The following KIR2DL1 variants were observed in gnomAD, a reference collection of about 807,000 sequenced individuals.
The protein encoded by KIR2DL1 is killer cell immunoglobulin-like receptor 2DL1.
In KIR2DL1, 38 loss-of-function variants were observed where a neutral mutation model predicts 33.9. The ratio of observed to expected loss-of-function variants is 1.12; its 90% CI spans 0.86 to 1.47. KIR2DL1 has a LOEUF of 1.47. Ranked by LOEUF, KIR2DL1 falls within the 40% of genes most tolerant of loss-of-function variation. The pLI is 0.00. For missense variants in KIR2DL1, 531 were observed against 433.9 expected (o/e 1.22, Z -1.99); for synonymous variants, 179 against 165.9 (o/e 1.08, Z -0.61).
At chr19:54,780,024 G>C (rs796648226) in intron 5 of KIR2DL1, 1 of 400,492 alleles carries the variant, frequency 2.5e-6, no homozygotes, top group Non-Finnish European at 4.5e-6. Context: ...TCCGCCTCTC[G>C]AGTAGCTGGG....
At chr19:54,772,460 C>G (rs940659694) in intron 2 of KIR2DL1, among the ~76,000 whole-genome samples, 1 of 145,542 alleles carries the variant, frequency 6.9e-6, no homozygotes, top group Non-Finnish European at 1.5e-5. Flanking sequence ...TTAGTGTGCT[C>G]TCTCCTGGTG....
rs770894960 is a variant in KIR2DL1 at position 54,783,513 on chromosome 19, C to A, written c.845C>A (p.Ala282Glu). The change falls in exon 7 of 8, where the codon GCA becomes GAA. Residue 282 changes from alanine (A) to glutamate (E), a missense_variant. Ala to Glu is a moderately radical substitution (Grantham distance 107). Coordinates refer to ENST00000336077, the MANE Select transcript of KIR2DL1 (RefSeq NM_014218.3). ...GCTGCGGTAATGGACCAAGAGTCTGCAGGAAACAGAACAGCGAATAGCGAG... is the reference window on the plus strand; with the variant it reads ...GCTGCGGTAATGGACCAAGAGTCTGAAGGAAACAGAACAGCGAATAGCGAG... ...KNAAVMDQESAGNRTANSEDS... is the reference protein window; with the variant it reads ...KNAAVMDQESEGNRTANSEDS... 6.2e-7 allele frequency: 1 copy of A among 1,613,658 alleles called. No individual in the cohort carries two copies. Among genetic ancestry groups the A allele is most frequent in the Non-Finnish European group, 8.5e-7 (1 of 1,179,804 alleles).
rs2304224 is a variant in KIR2DL1, at chr19:54,769,863, G to T, written c.13G>T (p.Val5Phe). MSLL[V>F]VSMACVGFFL... ...CTCCGGCAGCACCATGTCGCTCTTGGTCGTCAGCATGGCGTGTGTTGGTGA... is the reference window on the plus strand; with the variant it reads ...CTCCGGCAGCACCATGTCGCTCTTGTTCGTCAGCATGGCGTGTGTTGGTGA... The change falls in exon 1 of 8, where the codon GTC becomes TTC. Residue 5 changes from valine to phenylalanine, a missense_variant. By Grantham distance (50) the Val-to-Phe change is conservative. Coordinates refer to ENST00000336077, the MANE Select transcript of KIR2DL1 (RefSeq NM_014218.3). The T allele has an allele frequency of 0.27, 418,669 of 1,558,442 alleles. 90,203 individuals carry two copies. The highest frequency in any genetic ancestry group is 0.31 in the Non-Finnish European group (347,079 of 1,137,860).
rs568533445 is a variant in KIR2DL1 at position 54,781,558 on chromosome 19, G to A, written c.716-1364G>A. 4.6e-3 allele frequency among the ~76,000 whole-genome samples: 701 copies of A among 150,904 alleles called. 2 individuals carry two copies. The highest frequency in any genetic ancestry group is 0.016 in the African/African-American group (665 of 41,294). ...AGTGAGTCCAGATCTTGGAATCAGA[G>A]ATCAGCGACAGCACTAGCTCCTGCT... On this transcript the variant is annotated intron_variant, in intron 5 of 7. Transcript: ENST00000336077.
At chr19:54,776,634 C>CTTTTTTTTTTTTTTTTTTTT (rs113294942) in intron 4 of KIR2DL1, among the ~76,000 whole-genome samples, 1 of 128,314 alleles carries the variant, frequency 7.8e-6, no homozygotes. Context: ...TGAAAGTTCT[C>CTTTTTTTTTTTTTTTTTTTT]TTTTTTTTTT....
In KIR2DL1 at chr19:54,776,103, G is replaced by C. The variant is rs1364217647; in HGVS notation, c.664+645G>C. Among the ~76,000 whole-genome samples, 5 of 145,028 alleles carry C rather than the reference G, an allele frequency of 3.4e-5. 2 individuals carry two copies. The highest frequency in any genetic ancestry group is 6.2e-5 in the Non-Finnish European group (4 of 64,902). Reference sequence around the variant, plus strand: ...GAGGTGGTTTCACCATGTTGGTCGAGCTGGTCTCGAACTCCTGACCACGTG... The same window carrying C: ...GAGGTGGTTTCACCATGTTGGTCGACCTGGTCTCGAACTCCTGACCACGTG... On this transcript the variant is annotated intron_variant, in intron 4 of 7. Transcript: ENST00000336077.
rs560557532 is a variant in KIR2DL1 at position 54,780,193 on chromosome 19, T to C, written c.715+1531T>C. On this transcript the variant is annotated intron_variant, in intron 5 of 7. Transcript: ENST00000336077. ...TAATGGGACTACAGGCGTGAGCCACTGTGCCCAGCCAGAATTCAAAATCAA... is the reference window on the plus strand; with the variant it reads ...TAATGGGACTACAGGCGTGAGCCACCGTGCCCAGCCAGAATTCAAAATCAA... The C allele has an allele frequency of 6.9e-4, 338 of 492,946 alleles. 32 individuals carry two copies. The South Asian group carries it at 8.6e-3, about 13-fold the overall frequency. The allele number at this position is 492,946 out of a possible 1,614,324, so 30.5% of individuals were successfully genotyped here.
At chr19:54,773,111 G>A (rs537651313) in intron 2 of KIR2DL1, among the ~76,000 whole-genome samples, 4,001 of 148,470 alleles carry the variant, frequency 0.027, 367 homozygotes, top group Middle Eastern at 0.091. Flanking sequence ...TGAGCCCAGC[G>A]GCAAGGGAAT....
At chr19:54,772,794 AG>A (rs2075894543) in intron 2 of KIR2DL1, among the ~76,000 whole-genome samples, 1 of 144,686 alleles carries the variant, frequency 6.9e-6, no homozygotes, top group Non-Finnish European at 1.5e-5. Flanking sequence ...TGCCACCACC[AG>A]GCTCCATCCA....
chr19:54,779,761 A>T (rs2076750352), intron 5 of KIR2DL1, among the ~76,000 whole-genome samples: 1 of 149,346 alleles, frequency 6.7e-6, no homozygotes, highest in South Asian at 2.1e-4. Context: ...ACAAACAGTG[A>T]ACAAGATGCA....
intron 2 of KIR2DL1, among the ~76,000 whole-genome samples, chr19:54,772,648 G>C (rs2075873454): frequency 6.9e-6 from 1 of 145,168 alleles, no homozygotes; most frequent in Non-Finnish European, 1.5e-5. Flanking sequence ...AGAGGTTGCA[G>C]TGAGCCTAGA....
intron 6 of KIR2DL1, 77 bp from the exon 7 acceptor site, chr19:54,783,409 G>C (rs1569256077): frequency 6.5e-7 from 1 of 1,528,316 alleles, no homozygotes; most frequent in Non-Finnish European, 9.0e-7. Context: ...GTCTCCCCCT[G>C]TATGTTGGTA....
intron 2 of KIR2DL1, among the ~76,000 whole-genome samples, chr19:54,771,788 C>T (rs1221436697): frequency 6.8e-6 from 1 of 147,970 alleles, no homozygotes; most frequent in Non-Finnish European, 1.5e-5. Context: ...TTTCATGGGC[C>T]CTGTGACCCC....
chr19:54,776,790 A>C (rs140999166), intron 4 of KIR2DL1, among the ~76,000 whole-genome samples: 1 of 124,240 alleles, frequency 8.0e-6, no homozygotes, highest in Non-Finnish European at 1.8e-5. Flanking sequence ...ACAGGTGCAC[A>C]CCACCATGCC....
rs760904867 is a variant in KIR2DL1, at chr19:54,783,926, T to A, written c.*113T>A. ...TGGAATCTGAAGGCGTGAGTCTGCA[T>A]CTTAGGGCATCGATCTTCCTCACAC... On this transcript the variant is annotated 3_prime_UTR_variant, in exon 8 of 8. Transcript: ENST00000336077. 1.5e-5 allele frequency: 22 copies of A among 1,433,818 alleles called. No homozygotes were observed. The highest frequency in any genetic ancestry group is 1.8e-5 in the Non-Finnish European group (18 of 1,018,218). 88.8% of individuals were successfully genotyped at this position (1,433,818 alleles called of 1,614,324 possible). A position where few individuals can be genotyped will look rare whatever the true frequency, so the allele number is the denominator to read the frequency against.
chr19:54,775,473 T>C lies in KIR2DL1; in HGVS notation c.664+15T>C, dbSNP rs367760817. The C allele has an allele frequency of 6.2e-5, 98 of 1,578,094 alleles. 12 individuals are homozygous for C. The highest frequency in any genetic ancestry group is 8.2e-5 in the Non-Finnish European group (94 of 1,151,712). On this transcript the variant is annotated intron_variant, in intron 4 of 7. Transcript: ENST00000336077. The stretch of plus-strand genomic sequence containing the variant: ...TTCTGTCACAGGTGAGGAAAGCCCA[T>C]GGCTGTCCCATGTCCTATGATCCTA...
rs1448005096 is a variant in KIR2DL1, at chr19:54,783,931, G to T, written c.*118G>T. Reference sequence around the variant, plus strand: ...TCTGAAGGCGTGAGTCTGCATCTTAGGGCATCGATCTTCCTCACACCACAA... The same window carrying T: ...TCTGAAGGCGTGAGTCTGCATCTTATGGCATCGATCTTCCTCACACCACAA... On this transcript the variant is annotated 3_prime_UTR_variant, in exon 8 of 8. Coordinates refer to ENST00000336077, the MANE Select transcript of KIR2DL1 (RefSeq NM_014218.3). 4 of 1,427,154 alleles carry T rather than the reference G, an allele frequency of 2.8e-6. No homozygotes were observed. The Admixed American group carries it at 5.2e-5, about 18-fold the overall frequency. The allele number at this position is 1,427,154 out of a possible 1,614,324, so 88.4% of individuals were successfully genotyped here.
chr19:54,779,357 C>T (rs611012), intron 5 of KIR2DL1, among the ~76,000 whole-genome samples: 5 of 122,666 alleles, frequency 4.1e-5, no homozygotes, highest in South Asian at 2.7e-4. Flanking sequence ...ATTCCAGGCA[C>T]GAATCTGCTT....
rs2077382439 is a variant in KIR2DL1, at chr19:54,783,947, C to T, written c.*134C>T. ...TGCATCTTAGGGCATCGATCTTCCT[C>T]ACACCACAAATCTGAATGTGCCTCT... is the stretch of plus-strand genomic sequence containing the variant. On this transcript the variant is annotated 3_prime_UTR_variant, in exon 8 of 8. Coordinates refer to ENST00000336077, the MANE Select transcript of KIR2DL1 (RefSeq NM_014218.3). 7.7e-7 allele frequency: 1 copy of T among 1,303,012 alleles called. No homozygotes were observed. Among genetic ancestry groups the T allele is most frequent in the South Asian group, 1.2e-5 (1 of 83,500 alleles). 80.7% of individuals were successfully genotyped at this position (1,303,012 alleles called of 1,614,324 possible).
Sources: gnomAD v4.1 joint callset for allele counts (sites outside exome capture counted in the v4.1 genomes callset) on GRCh38, gnomAD v4.1.1 for gene constraint, MANE v1.5 for transcripts, NCBI Gene and HGNC (gene_info 2026-07-23, HGNC 2026-07-21) for gene names.